CD200R1: variants seen among roughly 807,000 people sequenced by gnomAD.
The protein encoded by CD200R1 is cell surface glycoprotein CD200 receptor 1.
In CD200R1, 30 loss-of-function variants were observed where a neutral mutation model predicts 38.1. The ratio of observed to expected loss-of-function variants is 0.79; its 90% CI spans 0.59 to 1.07. The LOEUF (loss-of-function observed/expected upper bound fraction) is 1.07, where lower values mean the gene tolerates loss of function less well. Among genes scored for constraint, CD200R1 ranks in the 50% least tolerant of loss-of-function variants. The pLI is 0.00. For synonymous variants in CD200R1, 128 were observed against 152.1 expected, an observed-to-expected ratio of 0.84 and a Z score of 1.16; for missense variants, 372 against 415.4, an observed-to-expected ratio of 0.90 and a Z score of 0.91.
In CD200R1 at chr3:112,974,904, A is replaced by G. The variant is rs746530285; in HGVS notation, c.-47T>C. On this transcript the variant is annotated 5_prime_UTR_variant, in exon 1 of 8. Coordinates refer to ENST00000308611, the MANE Select transcript of CD200R1 (RefSeq NM_138806.4). Reference sequence around the variant, plus strand: ...CCTTCACTCAGTACTTTTCCTCCACACAGGTACAGAAGGAACTGTGCGCAT... The same window carrying G: ...CCTTCACTCAGTACTTTTCCTCCACGCAGGTACAGAAGGAACTGTGCGCAT... 6.1e-6 allele frequency: 9 copies of G among 1,485,968 alleles called. No individual in the cohort carries two copies. The highest frequency in any genetic ancestry group is 8.4e-6 in the Non-Finnish European group (9 of 1,065,490). The allele number at this position is 1,485,968 out of a possible 1,614,324, so 92.0% of individuals were successfully genotyped here.
chr3:112,947,410 C>T lies in CD200R1; in HGVS notation c.136+446G>A, dbSNP rs767469228. ...AGAGGTCATAGGGGAAATTTCTGTA[C>T]TTTCCACTCAATTGTGCTACGATCC... On this transcript the variant is annotated intron_variant, in intron 2 of 7. Transcript: ENST00000308611. 4.6e-5 allele frequency among the ~76,000 whole-genome samples: 7 copies of T among 152,062 alleles called. No homozygotes were observed. In the South Asian group the frequency reaches 1.2e-3, roughly 27 times the overall value.
intron 1 of CD200R1, among the ~76,000 whole-genome samples, chr3:112,968,950 GC>G (rs1933231290): frequency 6.6e-6 from 1 of 152,156 alleles, no homozygotes; most frequent in African/African-American, 2.4e-5. Flanking sequence ...AGAAAATGTG[GC>G]CTATGCTTAG....
intron 2 of CD200R1, among the ~76,000 whole-genome samples, chr3:112,934,247 A>C (rs548964671): frequency 6.6e-6 from 1 of 152,286 alleles, no homozygotes; most frequent in African/African-American, 2.4e-5. Flanking sequence ...GAAAAGCATC[A>C]AGCCAAATAT....
intron 1 of CD200R1, among the ~76,000 whole-genome samples, chr3:112,955,720 A>G (rs1045200837): frequency 6.6e-6 from 1 of 151,914 alleles, no homozygotes; most frequent in Admixed American, 6.6e-5. Flanking sequence ...TATCTGAGAA[A>G]GTCTCTCTCT....
rs1940321855 is a variant in CD200R1 at position 112,928,056 on chromosome 3, TCA to T, written c.769+758_769+759del. Among the ~76,000 whole-genome samples the T allele has an allele frequency of 5.9e-5, 9 of 152,188 alleles. 1 individual carries two copies. The highest frequency in any genetic ancestry group is 5.9e-4 in the Admixed American group (9 of 15,266). ...AAAGGAAGAAGGTAATGTGAAATCC[TCA>T]TCTACCATAAGAAGTTGTGATTACA... On this transcript the variant is annotated intron_variant, in intron 5 of 7. Coordinates refer to ENST00000308611, the MANE Select transcript of CD200R1 (RefSeq NM_138806.4).
At chr3:112,946,079 T>TA (rs995807881) in intron 2 of CD200R1, among the ~76,000 whole-genome samples, 10 of 140,208 alleles carry the variant, frequency 7.1e-5, no homozygotes, top group African/African-American at 1.0e-4. Context: ...AGCCACATAC[T>TA]AAAAAAAAAA....
chr3:112,948,332 T>C (rs1940908031), intron 1 of CD200R1, among the ~76,000 whole-genome samples: 1 of 152,160 alleles, frequency 6.6e-6, no homozygotes, highest in Non-Finnish European at 1.5e-5. Flanking sequence ...CTAAGCATTG[T>C]TGAAGTCACA....
intron 2 of CD200R1, among the ~76,000 whole-genome samples, chr3:112,931,952 C>CTCTT (rs1559946013): frequency 2.0e-5 from 3 of 152,088 alleles, no homozygotes; most frequent in African/African-American, 7.2e-5. Context: ...GAGGGACTTC[C>CTCTT]TCTTGCAGGG....
At chr3:112,951,738 TA>T (rs1447990264) in intron 1 of CD200R1, among the ~76,000 whole-genome samples, 3 of 150,320 alleles carry the variant, frequency 2.0e-5, no homozygotes, top group Non-Finnish European at 4.4e-5. Flanking sequence ...TTTTCTATAC[TA>T]GCACAAACAA....
chr3:112,946,777 C>A (rs1012552492), intron 2 of CD200R1, among the ~76,000 whole-genome samples: 1 of 152,182 alleles, frequency 6.6e-6, no homozygotes, highest in Non-Finnish European at 1.5e-5. Flanking sequence ...AACAATCATG[C>A]TTTTTGGTAT....
In CD200R1 at chr3:112,955,279, T is replaced by G. The variant is rs1429360664; in HGVS notation, c.68-7355A>C. On this transcript the variant is annotated intron_variant, in intron 1 of 7. Coordinates refer to ENST00000308611, the MANE Select transcript of CD200R1 (RefSeq NM_138806.4). ...GGTCTACAATGTAGTTTAAATGTGA[T>G]GTCTCACTGAACTTTTCGCCTGGAT... Among the ~76,000 whole-genome samples the G allele has an allele frequency of 2.6e-5, 4 of 152,192 alleles. No homozygotes were observed. The East Asian group carries it at 7.7e-4, about 29-fold the overall frequency.
intron 2 of CD200R1, among the ~76,000 whole-genome samples, chr3:112,947,501 G>T (rs1315815338): frequency 6.6e-6 from 1 of 152,056 alleles, no homozygotes; most frequent in Non-Finnish European, 1.5e-5. Context: ...AATTAAAATG[G>T]CAAACAAAAA....
chr3:112,967,170 A>G (rs1481493484), intron 1 of CD200R1, among the ~76,000 whole-genome samples: 1 of 152,002 alleles, frequency 6.6e-6, no homozygotes, highest in East Asian at 1.9e-4. Flanking sequence ...TCGTAATGTC[A>G]GTATTCACCA....
chr3:112,931,153 A>G lies in CD200R1; in HGVS notation c.155T>C (p.Met52Thr), dbSNP rs752124249. The part of the protein sequence containing the change: ...NHALASSSLC[M>T]DEKQITQNYS... ...GTTCTGTGTAATCTGTTTTTCATCCATACATAAACTGCTTGAAGCTAGAAA... is the reference window on the plus strand; with the variant it reads ...GTTCTGTGTAATCTGTTTTTCATCCGTACATAAACTGCTTGAAGCTAGAAA... The change falls in exon 3 of 8, where the codon ATG (methionine) becomes ACG (threonine). Residue 52 changes from methionine to threonine, a missense_variant. Met to Thr is a moderately conservative substitution (Grantham distance 81). Transcript: ENST00000308611. 4.4e-6 allele frequency: 7 copies of G among 1,605,896 alleles called. No individual in the cohort carries two copies. The Admixed American group carries it at 8.3e-5, about 19-fold the overall frequency.
intron 1 of CD200R1, among the ~76,000 whole-genome samples, chr3:112,971,165 G>C (rs1933300902): frequency 6.6e-6 from 1 of 152,028 alleles, no homozygotes; most frequent in Non-Finnish European, 1.5e-5. Flanking sequence ...AAATGGTGTA[G>C]TATTTCATAT....
At chr3:112,952,458 T>A (rs1001778470) in intron 1 of CD200R1, among the ~76,000 whole-genome samples, 1 of 152,146 alleles carries the variant, frequency 6.6e-6, no homozygotes, top group Non-Finnish European at 1.5e-5. Context: ...ATGCAGCCAT[T>A]AAAAATGATG....
intron 1 of CD200R1, among the ~76,000 whole-genome samples, chr3:112,961,099 A>G (rs1164891478): frequency 7.2e-5 from 11 of 152,134 alleles, no homozygotes; most frequent in Non-Finnish European, 1.6e-4. Context: ...TCTGGCAGAG[A>G]CAATTATAGA....
In CD200R1 at chr3:112,966,030, T is replaced by C. The variant is rs925337676; in HGVS notation, c.67+8761A>G. ...CAAACACTTGTTAGTACCTACTTAG[T>C]GGCAAGTAGCTCGGCAGAGCTCAGG... On this transcript the variant is annotated intron_variant, in intron 1 of 7. Transcript: ENST00000308611. 2.6e-5 allele frequency among the ~76,000 whole-genome samples: 4 copies of C among 152,220 alleles called. No homozygotes were observed. The East Asian group carries it at 7.7e-4, about 29-fold the overall frequency.
At chr3:112,952,874 A>G (rs1385273190) in intron 1 of CD200R1, among the ~76,000 whole-genome samples, 1 of 152,152 alleles carries the variant, frequency 6.6e-6, no homozygotes, top group East Asian at 1.9e-4. Context: ...AACAGGAACA[A>G]TTTGACTTCT....
Sources: gnomAD v4.1 joint callset for allele counts (sites outside exome capture counted in the v4.1 genomes callset) on GRCh38, gnomAD v4.1.1 for gene constraint, MANE v1.5 for transcripts, NCBI Gene and HGNC (gene_info 2026-07-23, HGNC 2026-07-21) for gene names.